Variants in KANSL1 observed in about 807,000 individuals in gnomAD.
The protein encoded by KANSL1 is KAT8 regulatory NSL complex subunit 1.
KANSL1 carries 22 observed loss-of-function variants against 103.6 expected under a neutral mutation model. The observed-to-expected ratio is 0.21, with a 90% CI of 0.15 to 0.30. The LOEUF (loss-of-function observed/expected upper bound fraction) is 0.30, where lower values mean the gene tolerates loss of function less well. KANSL1 is among the 10% of genes least tolerant of loss of function. The pLI, the probability that KANSL1 is intolerant of heterozygous loss-of-function variation, is 1.00. For synonymous variants in KANSL1, 600 were observed against 527.6 expected (o/e 1.14, Z -1.88); for missense variants, 1,337 against 1,399.8 (o/e 0.96, Z 0.72).
intron 2 of KANSL1, among the ~76,000 whole-genome samples, chr17:46,163,133 A>G (rs1365446433): frequency 2.0e-5 from 3 of 152,230 alleles, no homozygotes; most frequent in Non-Finnish European, 4.4e-5. Context: ...CTATGTAATT[A>G]CCCGCTTAAA....
rs1485242383 is a variant in KANSL1 at position 46,171,490 on chromosome 17, T to A, written c.654A>T (p.Glu218Asp). ...CTLPHRSLDV[E>D]HTTLYSNNST... is the part of the protein sequence containing the mutation. ...TATTATTGCTATACAAAGTTGTGTG[T>A]TCTACATCAAGGCTTCTATGTGGAA... The change falls in exon 2 of 15, where the codon GAA becomes GAT. Residue 218 changes from glutamate to aspartate, a missense_variant. Physicochemically the swap from Glu to Asp is conservative, Grantham distance 45. Transcript: ENST00000432791. 1 of 1,614,130 alleles carries A rather than the reference T, an allele frequency of 6.2e-7. No individual in the cohort carries two copies. Among genetic ancestry groups the A allele is most frequent in the Admixed American group, 1.7e-5 (1 of 60,022 alleles).
intron 7 of KANSL1, chr17:46,044,898 T>C (rs937377678): frequency 1.2e-4 from 18 of 152,144 alleles, no homozygotes; most frequent in African/African-American, 4.1e-4. Context: ...AAAATATCTG[T>C]CCTATGGGGC....
chr17:46,113,390 A>C (rs2042906338), intron 2 of KANSL1, among the ~76,000 whole-genome samples: 2 of 152,262 alleles, frequency 1.3e-5, no homozygotes, highest in South Asian at 4.1e-4. Context: ...GGAGAAGTTT[A>C]AGCCATGACC....
chr17:46,112,204 T>TA (rs34227353), intron 2 of KANSL1, among the ~76,000 whole-genome samples: 2 of 150,374 alleles, frequency 1.3e-5, no homozygotes, highest in Admixed American at 1.3e-4. Flanking sequence ...CCATCTCTAC[T>TA]AAAAAATAAA....
intron 2 of KANSL1, among the ~76,000 whole-genome samples, chr17:46,157,211 AT>A (rs1384632866): frequency 6.6e-6 from 1 of 152,238 alleles, no homozygotes; most frequent in East Asian, 1.9e-4. Context: ...ATTACCAATT[AT>A]GGTAACTCCC....
At chr17:46,042,463 C>CCA (rs2077359494) in intron 7 of KANSL1, 1 of 152,084 alleles carries the variant, frequency 6.6e-6, no homozygotes, top group Non-Finnish European at 1.5e-5. Context: ...TTAACTATGT[C>CCA]CAAGGTTACA....
chr17:46,178,541 C>G (rs991346175), intron 1 of KANSL1, among the ~76,000 whole-genome samples: 9 of 152,210 alleles, frequency 5.9e-5, no homozygotes, highest in Non-Finnish European at 1.3e-4. Flanking sequence ...GTCACTCACA[C>G]AAATTGAGAT....
chr17:46,165,339 TCTC>T (rs1254819929), intron 2 of KANSL1, among the ~76,000 whole-genome samples: 1 of 152,046 alleles, frequency 6.6e-6, no homozygotes, highest in East Asian at 1.9e-4. Flanking sequence ...TTCTGGCCAT[TCTC>T]CTGCCTCAGC....
intron 1 of KANSL1, among the ~76,000 whole-genome samples, chr17:46,206,494 G>A (rs550943529): frequency 6.6e-6 from 1 of 152,368 alleles, no homozygotes; most frequent in South Asian, 2.1e-4. Context: ...GGGAGGCTGA[G>A]ACAGGAGGAT....
chr17:46,134,688 T>A (rs1426865186), intron 2 of KANSL1, among the ~76,000 whole-genome samples: 1 of 150,406 alleles, frequency 6.6e-6, no homozygotes, highest in Admixed American at 6.6e-5. Flanking sequence ...AAAAAAAAAA[T>A]ACAAAAATTA....
chr17:46,062,127 A>AC lies in KANSL1; in HGVS notation c.1848+4409_1848+4410insG, dbSNP rs1329972957. ...AAAAAAAACAAACAAACAAAAAAAA[A>AC]AAAAAAACATGTTACAGCAGATTTA... is the stretch of plus-strand genomic sequence containing the variant. On this transcript the variant is annotated intron_variant, in intron 6 of 14. Transcript: ENST00000432791. 3.6e-5 allele frequency among the ~76,000 whole-genome samples: 5 copies of AC among 140,610 alleles called. 1 individual carries two copies. The highest frequency in any genetic ancestry group is 6.3e-5 in the Non-Finnish European group (4 of 63,070). The allele number at this position is 140,610 out of a possible 152,430, so 92.2% of individuals were successfully genotyped here.
chr17:46,214,275 C>T (rs977581859), intron 1 of KANSL1, among the ~76,000 whole-genome samples: 7 of 152,206 alleles, frequency 4.6e-5, no homozygotes, highest in Non-Finnish European at 1.0e-4. Context: ...TGACTCTCAG[C>T]TTTTCCACTG....
intron 7 of KANSL1, chr17:46,044,723 G>A (rs2077442239): frequency 6.6e-6 from 1 of 152,168 alleles, no homozygotes; most frequent in Non-Finnish European, 1.5e-5. Flanking sequence ...GCGTAGAGTT[G>A]GCTATAACAC....
chr17:46,165,699 C>T (rs969834609), intron 2 of KANSL1, among the ~76,000 whole-genome samples: 4 of 151,292 alleles, frequency 2.6e-5, no homozygotes, highest in African/African-American at 4.9e-5. Context: ...TTGGTAGAGA[C>T]GGGGTTTCAC....
At chr17:46,071,681 T>A (rs946464058) in intron 4 of KANSL1, among the ~76,000 whole-genome samples, 1 of 152,202 alleles carries the variant, frequency 6.6e-6, no homozygotes, top group Admixed American at 6.5e-5. Context: ...TTTAGAAAAC[T>A]AAAGCATGAC....
chr17:46,041,054 A>C (rs2077295987), intron 7 of KANSL1: 1 of 152,238 alleles, frequency 6.6e-6, no homozygotes, highest in Admixed American at 6.5e-5. Flanking sequence ...GGCTGACAAA[A>C]GTCTCAGATG....
chr17:46,197,902 T>C (rs2047666902), upstream of KANSL1, among the ~76,000 whole-genome samples: 2 of 152,222 alleles, frequency 1.3e-5, no homozygotes, highest in Admixed American at 6.5e-5. Flanking sequence ...AACAGAATAA[T>C]CTCACAAATT....
At chr17:46,083,303 A>G (rs2079047189) in intron 3 of KANSL1, among the ~76,000 whole-genome samples, 3 of 152,154 alleles carry the variant, frequency 2.0e-5, no homozygotes, top group African/African-American at 7.2e-5. Flanking sequence ...AGGTGACAAA[A>G]ATAAGGCTAT....
chr17:46,163,584 T>C (rs976624697), intron 2 of KANSL1, among the ~76,000 whole-genome samples: 2 of 152,250 alleles, frequency 1.3e-5, no homozygotes, highest in African/African-American at 2.4e-5. Context: ...CCTTCATTTT[T>C]AAGACTCTAG....
Sources: gnomAD v4.1 joint callset for allele counts (sites outside exome capture counted in the v4.1 genomes callset) on GRCh38, gnomAD v4.1.1 for gene constraint, MANE v1.5 for transcripts, NCBI Gene and HGNC (gene_info 2026-07-23, HGNC 2026-07-21) for gene names.